RNF13: variants seen among roughly 807,000 people sequenced by gnomAD.
The protein encoded by RNF13 is ring finger protein 13.
RNF13 carries 19 observed loss-of-function variants against 37.7 expected under a neutral mutation model. That is an observed-to-expected ratio of 0.50 (90% CI 0.35 to 0.74). RNF13 has a LOEUF of 0.74. Among genes scored for constraint, RNF13 ranks in the 30% least tolerant of loss-of-function variants. The pLI is 0.01. For synonymous variants in RNF13, 144 were observed against 157.8 expected, an observed-to-expected ratio of 0.91 and a Z score of 0.65; for missense variants, 375 against 453.0, an observed-to-expected ratio of 0.83 and a Z score of 1.56.
chr3:149,870,220 G>T (rs911731273), intron 3 of RNF13, among the ~76,000 whole-genome samples: 1 of 151,698 alleles, frequency 6.6e-6, no homozygotes, highest in Non-Finnish European at 1.5e-5. Flanking sequence ...GGGCAATCTG[G>T]TTCCACTTTG....
At chr3:149,955,932 A>G (rs1355066292) in intron 8 of RNF13, among the ~76,000 whole-genome samples, 1 of 152,146 alleles carries the variant, frequency 6.6e-6, no homozygotes, top group Non-Finnish European at 1.5e-5. Flanking sequence ...TCCTCTTTCT[A>G]AATTTAATTT....
chr3:149,857,091 A>T (rs2045172875), intron 3 of RNF13, among the ~76,000 whole-genome samples: 2 of 152,190 alleles, frequency 1.3e-5, no homozygotes, highest in African/African-American at 2.4e-5. Context: ...TTTAGGTGAG[A>T]TAGTTTTTGT....
intron 8 of RNF13, among the ~76,000 whole-genome samples, chr3:149,927,229 G>A (rs1718742058): frequency 6.6e-6 from 1 of 152,122 alleles, no homozygotes; most frequent in Admixed American, 6.6e-5. Context: ...CACGTAAGTG[G>A]AATTACCTGA....
chr3:149,930,007 C>T (rs1244994472), intron 8 of RNF13, among the ~76,000 whole-genome samples: 1 of 152,138 alleles, frequency 6.6e-6, no homozygotes, highest in African/African-American at 2.4e-5. Flanking sequence ...CTCACTGCAA[C>T]CTCCGCCTCC....
At position 149,958,609 on chromosome 3, in the gene RNF13, G is replaced by A. The variant is rs565802799; in HGVS notation, c.701-1447G>A. Among the ~76,000 whole-genome samples the A allele has an allele frequency of 3.9e-5, 6 of 152,272 alleles. No individual in the cohort carries two copies. The South Asian group carries it at 1.0e-3, about 26-fold the overall frequency. On this transcript the variant is annotated intron_variant, in intron 8 of 9. Transcript: ENST00000392894. ...ATTAACTGTTTTGTTTTTAGTAGGC[G>A]TTTTCAAAAGGTGATGTGACTCAAA...
At chr3:149,936,139 T>C (rs1455932256) in intron 8 of RNF13, among the ~76,000 whole-genome samples, 2 of 151,966 alleles carry the variant, frequency 1.3e-5, no homozygotes, top group Non-Finnish European at 2.9e-5. Flanking sequence ...GTTATGCTTC[T>C]TTTTTTTCTG....
intron 8 of RNF13, among the ~76,000 whole-genome samples, chr3:149,930,144 G>T (rs945194690): frequency 2.0e-5 from 3 of 152,160 alleles, no homozygotes; most frequent in African/African-American, 7.2e-5. Flanking sequence ...GGCTAGGCTG[G>T]TCTTGAACTC....
At chr3:149,937,353 T>G (rs1465247268) in intron 8 of RNF13, among the ~76,000 whole-genome samples, 1 of 152,114 alleles carries the variant, frequency 6.6e-6, no homozygotes, top group Non-Finnish European at 1.5e-5. Context: ...TTTTATCCAG[T>G]GCCTAATAAC....
At chr3:149,915,331 G>A (rs1455420699) in intron 7 of RNF13, among the ~76,000 whole-genome samples, 1 of 152,066 alleles carries the variant, frequency 6.6e-6, no homozygotes, top group African/African-American at 2.4e-5. Flanking sequence ...TAGCAATCTG[G>A]ATATTCAGGT....
At chr3:149,867,209 G>A (rs1412118026) in intron 3 of RNF13, among the ~76,000 whole-genome samples, 5 of 151,834 alleles carry the variant, frequency 3.3e-5, no homozygotes, top group South Asian at 4.2e-4. Context: ...AGTTATAATT[G>A]TTATATCGTC....
chr3:149,852,274 T>G (rs1321062913), intron 2 of RNF13, among the ~76,000 whole-genome samples: 4 of 152,178 alleles, frequency 2.6e-5, no homozygotes, highest in South Asian at 2.1e-4. Context: ...GTAGGCTGAA[T>G]TAGTGTTGCT....
At chr3:149,883,164 C>T (rs1010760696) in intron 4 of RNF13, among the ~76,000 whole-genome samples, 5 of 152,002 alleles carry the variant, frequency 3.3e-5, no homozygotes, top group African/African-American at 1.2e-4. Context: ...TTCTTTTTAA[C>T]CATTTCAGGA....
chr3:149,868,245 A>G (rs560653878), intron 3 of RNF13, among the ~76,000 whole-genome samples: 1 of 151,886 alleles, frequency 6.6e-6, no homozygotes, highest in East Asian at 1.9e-4. Context: ...GCACACCACA[A>G]TTATGGTGTG....
At chr3:149,931,946 T>G (rs1054216286) in intron 8 of RNF13, among the ~76,000 whole-genome samples, 4 of 152,228 alleles carry the variant, frequency 2.6e-5, no homozygotes, top group African/African-American at 9.6e-5. Flanking sequence ...GATATTTGTC[T>G]TTCTGGGTTT....
intron 7 of RNF13, among the ~76,000 whole-genome samples, chr3:149,914,225 A>G (rs1269613539): frequency 1.3e-5 from 2 of 151,996 alleles, no homozygotes; most frequent in East Asian, 3.9e-4. Context: ...ACTATCTTGT[A>G]CTATAAGATG....
chr3:149,954,381 A>G (rs540414100), intron 8 of RNF13, among the ~76,000 whole-genome samples: 10 of 152,104 alleles, frequency 6.6e-5, no homozygotes, highest in Non-Finnish European at 1.3e-4. Context: ...AGGGGACTCT[A>G]TAACATTTGT....
chr3:149,861,888 C>T (rs1254407420), intron 3 of RNF13, among the ~76,000 whole-genome samples: 1 of 152,044 alleles, frequency 6.6e-6, no homozygotes, highest in Non-Finnish European at 1.5e-5. Flanking sequence ...AACAAATTAT[C>T]ACACGCACCC....
At chr3:149,840,883 CAA>C in intron 1 of RNF13, among the ~76,000 whole-genome samples, 1 of 152,220 alleles carries the variant, frequency 6.6e-6, no homozygotes, top group East Asian at 1.9e-4. Flanking sequence ...TCATACCTAC[CAA>C]AGAGTATACT....
intron 4 of RNF13, among the ~76,000 whole-genome samples, chr3:149,889,815 C>T (rs759499343): frequency 1.8e-4 from 27 of 151,896 alleles, no homozygotes; most frequent in Admixed American, 2.6e-4. Context: ...CCACTGTGCC[C>T]AGCTGATTTT....
Sources: allele counts gnomAD v4.1 joint callset (sites outside exome capture counted in the v4.1 genomes callset), GRCh38; gene constraint gnomAD v4.1.1; transcripts MANE v1.5; gene names NCBI Gene and HGNC (gene_info 2026-07-23, HGNC 2026-07-21).